Variants in PBX1 observed in about 807,000 individuals in gnomAD.
PBX1 encodes PBX homeobox 1, also known as pre-B-cell leukemia transcription factor 1.
A neutral mutation model predicts 53.4 loss-of-function variants in PBX1; 6 were observed. The ratio of observed to expected loss-of-function variants is 0.11; its 90% CI spans 0.06 to 0.22. PBX1 has a LOEUF of 0.22. PBX1 is among the 10% of genes least tolerant of loss of function. PBX1 has a pLI of 1.00. For synonymous variants in PBX1, 204 were observed against 212.3 expected, an observed-to-expected ratio of 0.96 and a Z score of 0.34; for missense variants, 251 against 551.4, an observed-to-expected ratio of 0.46 and a Z score of 5.46.
At chr1:164,820,500 G>C (rs1268214829) in intron 7 of PBX1, among the ~76,000 whole-genome samples, 2 of 152,112 alleles carry the variant, frequency 1.3e-5, no homozygotes, top group Non-Finnish European at 2.9e-5. Flanking sequence ...AAAAGGAGGA[G>C]GTGTTCAGGA....
chr1:164,653,601 C>T (rs1659970087), intron 2 of PBX1, among the ~76,000 whole-genome samples: 1 of 151,928 alleles, frequency 6.6e-6, no homozygotes, highest in Non-Finnish European at 1.5e-5. Context: ...GGTGAAACCC[C>T]GTCTACTAAA....
In PBX1 at chr1:164,847,456, TCA is replaced by T; in HGVS notation, c.*781_*782del. ...TTTCTTACCCTGCTAGCAATAGCTC[TCA>T]GTTTCAGAGGCACAGTCTTTGGAGA... On this transcript the variant is annotated 3_prime_UTR_variant, in exon 9 of 9. Transcript: ENST00000420696. The T allele has an allele frequency of 1.9e-6, 2 of 1,063,266 alleles. No individual in the cohort carries two copies. The highest frequency in any genetic ancestry group is 3.3e-5 in the African/African-American group (2 of 61,082). The allele number at this position is 1,063,266 out of a possible 1,614,324, so 65.9% of individuals were successfully genotyped here.
At chr1:164,627,792 T>A (rs1658140673) in intron 2 of PBX1, among the ~76,000 whole-genome samples, 1 of 152,144 alleles carries the variant, frequency 6.6e-6, no homozygotes, top group Non-Finnish European at 1.5e-5. Flanking sequence ...ATACATTGCA[T>A]CTCTTTTGTA....
At chr1:164,597,420 C>T (rs572386102) in intron 2 of PBX1, among the ~76,000 whole-genome samples, 58 of 152,250 alleles carry the variant, frequency 3.8e-4, no homozygotes, top group South Asian at 1.0e-3. Context: ...AGTTCTATGA[C>T]GACGTGGAAC....
Position 164,826,860 on chromosome 1 carries a change from G to A in PBX1, c.1200+5234G>A, listed in dbSNP as rs115065025. Among the ~76,000 whole-genome samples the A allele has an allele frequency of 2.8e-3, 421 of 151,972 alleles. 2 individuals carry two copies. The highest frequency in any genetic ancestry group is 4.5e-3 in the African/African-American group (186 of 41,290). Reference sequence around the variant, plus strand: ...ATTATCTCTACAAAGGTAACATGCCGTTAACATCAATTTATGACACAAAAA... The same window carrying A: ...ATTATCTCTACAAAGGTAACATGCCATTAACATCAATTTATGACACAAAAA... On this transcript the variant is annotated intron_variant, in intron 8 of 8. Coordinates refer to ENST00000420696, the MANE Select transcript of PBX1 (RefSeq NM_002585.4).
intron 2 of PBX1, among the ~76,000 whole-genome samples, chr1:164,881,049 T>G (rs760464027): frequency 1.6e-4 from 25 of 152,210 alleles, no homozygotes; most frequent in Non-Finnish European, 2.4e-4. Context: ...CAGTGCTCTC[T>G]GGCTCTGGTC....
At position 164,559,814 on chromosome 1, in the gene PBX1, C is replaced by T. The variant is rs187406949; in HGVS notation, c.-9C>T. ...GAGGAAGAGCCGGGGGCTGCCGTAG[C>T]CTTTGGAGATGGACGAGCAGCCCAG... On this transcript the variant is annotated 5_prime_UTR_variant, in exon 1 of 9. Coordinates refer to ENST00000420696, the MANE Select transcript of PBX1 (RefSeq NM_002585.4). 5.2e-6 allele frequency: 8 copies of T among 1,542,594 alleles called. No homozygotes were observed. The highest frequency in any genetic ancestry group is 7.0e-6 in the Non-Finnish European group (8 of 1,143,312).
intron 2 of PBX1, among the ~76,000 whole-genome samples, chr1:164,592,911 G>A (rs1655496575): frequency 6.6e-6 from 1 of 152,088 alleles, no homozygotes; most frequent in Non-Finnish European, 1.5e-5. Flanking sequence ...GAACTTGGGA[G>A]CTAGTACTTT....
intron 2 of PBX1, among the ~76,000 whole-genome samples, chr1:164,677,134 G>A (rs558973937): frequency 4.8e-5 from 7 of 146,870 alleles, no homozygotes; most frequent in African/African-American, 1.0e-4. Flanking sequence ...CGCCCAGGCC[G>A]GACTGCGGAC....
intron 4 of PBX1, among the ~76,000 whole-genome samples, chr1:164,805,251 A>G (rs996337194): frequency 2.6e-5 from 4 of 152,236 alleles, no homozygotes. Context: ...AGGTGATAAC[A>G]CTTCAAGCCA....
chr1:164,562,452 TACACAC>T (rs6143458), intron 1 of PBX1, among the ~76,000 whole-genome samples: 2,966 of 143,292 alleles, frequency 0.021, 58 homozygotes, highest in African/African-American at 0.059. Flanking sequence ...GCATTCAGAA[TACACAC>T]ACACACACAC....
rs550073050 is a variant in PBX1, at chr1:164,699,154, G to A, written c.266-93340G>A. ...ATCAGCATTCCTAATGATAAATGAC[G>A]TGGGTCACAAAGAGGAGGCCAAATA... On this transcript the variant is annotated intron_variant, in intron 2 of 8. Coordinates refer to ENST00000420696, the MANE Select transcript of PBX1 (RefSeq NM_002585.4). Among the ~76,000 whole-genome samples, 14 of 152,306 alleles carry A rather than the reference G, an allele frequency of 9.2e-5. 1 individual carries two copies. Among genetic ancestry groups the A allele is most frequent in the African/African-American group, 3.1e-4 (13 of 41,562 alleles).
chr1:164,813,649 C>G (rs911099816), intron 6 of PBX1: 1 of 152,192 alleles, frequency 6.6e-6, no homozygotes, highest in Non-Finnish European at 1.5e-5. Flanking sequence ...AACACTCCTG[C>G]AAAGGTTATC....
At chr1:164,703,998 C>T (rs1474476848) in intron 2 of PBX1, among the ~76,000 whole-genome samples, 2 of 152,112 alleles carry the variant, frequency 1.3e-5, no homozygotes, top group Non-Finnish European at 2.9e-5. Flanking sequence ...GAGGTCCCTC[C>T]CTCTCTTGGA....
chr1:164,565,902 A>G (rs916458780), intron 2 of PBX1, among the ~76,000 whole-genome samples: 8 of 152,018 alleles, frequency 5.3e-5, no homozygotes, highest in Non-Finnish European at 1.0e-4. Flanking sequence ...TTGAGTTTCC[A>G]TCTCAAGCAT....
At chr1:164,881,092 T>C (rs74118238) in intron 2 of PBX1, among the ~76,000 whole-genome samples, 1,685 of 152,234 alleles carry the variant, frequency 0.011, 29 homozygotes, top group African/African-American at 0.038. Context: ...GGCTTTCTGG[T>C]ACCCAACTGC....
In PBX1 at chr1:164,847,152, C is replaced by T; in HGVS notation, c.*476C>T. The T allele has an allele frequency of 4.6e-6, 5 of 1,089,178 alleles. No homozygotes were observed. Among genetic ancestry groups the T allele is most frequent in the Non-Finnish European group, 5.6e-6 (5 of 891,200 alleles). The allele number at this position is 1,089,178 out of a possible 1,614,324, so 67.5% of individuals were successfully genotyped here. On this transcript the variant is annotated 3_prime_UTR_variant, in exon 9 of 9. Coordinates refer to ENST00000420696, the MANE Select transcript of PBX1 (RefSeq NM_002585.4). The stretch of plus-strand genomic sequence containing the variant: ...GTTAACAGGCAATCCTTCTCTGTTT[C>T]TCTTATTACTCTCACTACCTCTTAG...
At position 164,847,531 on chromosome 1, in the gene PBX1, G is replaced by A. The variant is rs1671634672; in HGVS notation, c.*855G>A. Reference sequence around the variant, plus strand: ...TATTTAGAACCTATTGCAAAACTGGGCCTGAGTTAGGCATGGTGATGAATG... The same window carrying A: ...TATTTAGAACCTATTGCAAAACTGGACCTGAGTTAGGCATGGTGATGAATG... On this transcript the variant is annotated 3_prime_UTR_variant, in exon 9 of 9. Transcript: ENST00000420696. The A allele has an allele frequency of 3.8e-6, 4 of 1,062,128 alleles. No individual in the cohort carries two copies. The highest frequency in any genetic ancestry group is 4.2e-4 in the Middle Eastern group (1 of 2,394). The allele number at this position is 1,062,128 out of a possible 1,614,324, so 65.8% of individuals were successfully genotyped here. A position where few individuals can be genotyped will look rare whatever the true frequency, so the allele number is the denominator to read the frequency against.
In PBX1 at chr1:164,848,028, T is replaced by A; in HGVS notation, c.*1352T>A. 9.5e-7 allele frequency: 1 copy of A among 1,050,134 alleles called. No homozygotes were observed. 65.1% of individuals were successfully genotyped at this position (1,050,134 alleles called of 1,614,324 possible). A position where few individuals can be genotyped will look rare whatever the true frequency, so the allele number is the denominator to read the frequency against. Reference sequence around the variant, plus strand: ...TTTTCCAAAATGTTATACCACACTATGTTCTTGGTCCTGACCTATTGCTCT... The same window carrying A: ...TTTTCCAAAATGTTATACCACACTAAGTTCTTGGTCCTGACCTATTGCTCT... On this transcript the variant is annotated 3_prime_UTR_variant, in exon 9 of 9. Coordinates refer to ENST00000420696, the MANE Select transcript of PBX1 (RefSeq NM_002585.4).
Sources: gnomAD v4.1 joint callset for allele counts (sites outside exome capture counted in the v4.1 genomes callset) on GRCh38, gnomAD v4.1.1 for gene constraint, MANE v1.5 for transcripts, NCBI Gene and HGNC (gene_info 2026-07-23, HGNC 2026-07-21) for gene names.